The following DYNC2H1 variants were observed in gnomAD, a reference collection of about 807,000 sequenced individuals.
The protein encoded by DYNC2H1 is cytoplasmic dynein 2 heavy chain 1.
DYNC2H1 carries 410 observed loss-of-function variants against 570.0 expected under a neutral mutation model. The ratio of observed to expected loss-of-function variants is 0.72; its 90% CI spans 0.66 to 0.78. The LOEUF is 0.78. Among genes scored for constraint, DYNC2H1 ranks in the 30% least tolerant of loss-of-function variants. The probability of loss-of-function intolerance (pLI) is 0.00; values close to 1 mark genes in which losing one functional copy is unlikely to be tolerated. For missense variants in DYNC2H1, 4,865 were observed against 5,046.4 expected (o/e 0.96, Z 1.09); for synonymous variants, 1,688 against 1,677.6 (o/e 1.01, Z -0.15).
intron 66 of DYNC2H1, 106 bp from the exon 67 acceptor site, chr11:103,255,309 T>C (rs1193531172): frequency 1.7e-5 from 20 of 1,209,964 alleles, no homozygotes; most frequent in Non-Finnish European, 2.2e-5. Flanking sequence ...GATAACATAG[T>C]ATCATATTTG....
At chr11:103,471,094 T>C (rs934256047) in intron 88 of DYNC2H1, among the ~76,000 whole-genome samples, 1 of 152,234 alleles carries the variant, frequency 6.6e-6, no homozygotes, top group African/African-American at 2.4e-5. Flanking sequence ...CCTGACTTTT[T>C]AATGATCGCC....
chr11:103,251,480 T>C (rs1405830062), intron 65 of DYNC2H1, among the ~76,000 whole-genome samples: 1 of 152,162 alleles, frequency 6.6e-6, no homozygotes, highest in Non-Finnish European at 1.5e-5. Context: ...TAAAATGCTT[T>C]TCTGTCGTAA....
chr11:103,307,950 A>G, intron 78 of DYNC2H1, 119 bp downstream of exon 78: 1 of 451,290 alleles, frequency 2.2e-6, no homozygotes, highest in Non-Finnish European at 3.9e-6. Flanking sequence ...CATTTAGATG[A>G]GGTATACATA....
intron 70 of DYNC2H1, among the ~76,000 whole-genome samples, chr11:103,279,411 G>A (rs990851348): frequency 2.0e-5 from 3 of 152,070 alleles, no homozygotes; most frequent in East Asian, 1.9e-4. Flanking sequence ...TAAGACTACC[G>A]GCAGTGGAAT....
At chr11:103,343,431 A>G (rs900643795) in intron 82 of DYNC2H1, among the ~76,000 whole-genome samples, 1 of 145,224 alleles carries the variant, frequency 6.9e-6, no homozygotes, top group Non-Finnish European at 1.5e-5. Flanking sequence ...TATAAATTTC[A>G]GGACTCTGTT....
intron 28 of DYNC2H1, among the ~76,000 whole-genome samples, chr11:103,159,270 G>A (rs1860977223): frequency 1.3e-5 from 2 of 152,132 alleles, no homozygotes; most frequent in African/African-American, 4.8e-5. Flanking sequence ...ATCTGTGAGG[G>A]CATTTAGCTC....
At position 103,255,299 on chromosome 11, in the gene DYNC2H1, G is replaced by T. The variant is rs74549378; in HGVS notation, c.10207-116G>T. On this transcript the variant is annotated intron_variant, in intron 66 of 88. Transcript: ENST00000375735. ...TGTTTAATTAGAAAGAATGAAATGA[G>T]ATAACATAGTATCATATTTGTAATA... The T allele has an allele frequency of 6.1e-6, 7 of 1,149,312 alleles. No homozygotes were observed. In the East Asian group the frequency reaches 2.0e-4, roughly 32 times the overall value. The allele number at this position is 1,149,312 out of a possible 1,614,324, so 71.2% of individuals were successfully genotyped here.
intron 65 of DYNC2H1, among the ~76,000 whole-genome samples, chr11:103,251,041 A>G (rs987323719): frequency 1.3e-5 from 2 of 152,096 alleles, no homozygotes; most frequent in African/African-American, 4.8e-5. Context: ...AGGTTAATTA[A>G]TAGTGTCAAG....
chr11:103,299,193 C>A lies in DYNC2H1; in HGVS notation c.11096-3900C>A, dbSNP rs755669979. Among the ~76,000 whole-genome samples, 10 of 152,062 alleles carry A rather than the reference C, an allele frequency of 6.6e-5. No homozygotes were observed. Among genetic ancestry groups the A allele is most frequent in the Non-Finnish European group, 1.3e-4 (9 of 68,000 alleles). ...ATCCAAAAGTTATTTTTGAACTATGCATCTTTCCTAGTTTTACAGTTCTGT... is the reference window on the plus strand; with the variant it reads ...ATCCAAAAGTTATTTTTGAACTATGAATCTTTCCTAGTTTTACAGTTCTGT... On this transcript the variant is annotated intron_variant, in intron 75 of 88. Coordinates refer to ENST00000375735, the MANE Select transcript of DYNC2H1 (RefSeq NM_001377.3). The surrounding 1 kb of genome is among the most constrained non-coding windows in gnomAD (Gnocchi z 4.5).
chr11:103,113,487 C>T, intron 1 of DYNC2H1, 50 bp from the exon 2 acceptor site: 1 of 1,385,996 alleles, frequency 7.2e-7, no homozygotes, highest in Non-Finnish European at 9.5e-7. Flanking sequence ...ACATTTTTTT[C>T]AAATATTAAA....
intron 84 of DYNC2H1, among the ~76,000 whole-genome samples, chr11:103,424,189 G>A (rs1169152206): frequency 1.3e-5 from 2 of 152,042 alleles, no homozygotes; most frequent in South Asian, 4.1e-4. Flanking sequence ...ACAACCTTGT[G>A]AATATATTAA....
chr11:103,255,379 A>G (rs1404284619), intron 66 of DYNC2H1, 36 bp from the exon 67 acceptor site: 2 of 1,534,152 alleles, frequency 1.3e-6, no homozygotes, highest in Admixed American at 2.1e-5. Flanking sequence ...TTTAAGCCTT[A>G]TTGCTAGAAT....
chr11:103,118,454 T>G (rs1204378626), intron 6 of DYNC2H1, among the ~76,000 whole-genome samples: 1 of 152,150 alleles, frequency 6.6e-6, no homozygotes, highest in Non-Finnish European at 1.5e-5. Context: ...CCATTCAATT[T>G]TAATAGTCAT....
At position 103,204,897 on chromosome 11, in the gene DYNC2H1, A is replaced by C; in HGVS notation, c.8387A>C (p.Asn2796Thr). The C allele has an allele frequency of 6.3e-7, 1 of 1,594,230 alleles. No homozygotes were observed. The highest frequency in any genetic ancestry group is 8.6e-7 in the Non-Finnish European group (1 of 1,169,098). ...NSNFMINCES[N>T]PALHKKCQVL... ...AACTTCATGATAAACTGTGAGAGTA[A>C]TCCAGCTTTGCATAAGAAATGCCAG... Residue 2796 changes from asparagine to threonine, a missense_variant, in exon 52 of 89, where the codon AAT becomes ACT. Coordinates refer to ENST00000375735, the MANE Select transcript of DYNC2H1 (RefSeq NM_001377.3). This position sits in a 1 kb window ranked among gnomAD's most constrained non-coding sequence, Gnocchi z 4.1.
intron 39 of DYNC2H1, 31 bp downstream of exon 39, chr11:103,179,264 T>C: frequency 6.3e-7 from 1 of 1,579,794 alleles, no homozygotes; most frequent in Non-Finnish European, 8.7e-7. Context: ...ATACAGTATA[T>C]TAGAATATTC....
intron 75 of DYNC2H1, among the ~76,000 whole-genome samples, chr11:103,291,727 T>C (rs1866608230): frequency 6.6e-6 from 1 of 152,216 alleles, no homozygotes; most frequent in Admixed American, 6.5e-5. Context: ...ACTTTATATC[T>C]GGATACTCCA....
intron 83 of DYNC2H1, among the ~76,000 whole-genome samples, chr11:103,398,022 A>G (rs536967702): frequency 6.6e-6 from 1 of 152,356 alleles, no homozygotes; most frequent in African/African-American, 2.4e-5. Flanking sequence ...AAACAATGCT[A>G]TCAACTTAAT....
At position 103,125,385 on chromosome 11, in the gene DYNC2H1, T is replaced by A. The variant is rs1024537005; in HGVS notation, c.1857+90T>A. On this transcript the variant is annotated intron_variant, in intron 12 of 88. Coordinates refer to ENST00000375735, the MANE Select transcript of DYNC2H1 (RefSeq NM_001377.3). ...TAAAGGCTTTTTTTTTTTTTTTTTT[T>A]AGGCTCATAGAATAGCACTGCCAGC... 105 of 869,324 alleles carry A rather than the reference T, an allele frequency of 1.2e-4. No individual in the cohort carries two copies. In the African/African-American group the frequency reaches 1.2e-3, roughly 10 times the overall value. 53.9% of individuals were successfully genotyped at this position (869,324 alleles called of 1,614,324 possible). A position where few individuals can be genotyped will look rare whatever the true frequency, so the allele number is the denominator to read the frequency against.
At chr11:103,198,202 C>A in intron 48 of DYNC2H1, 139 bp downstream of exon 48, 1 of 993,896 alleles carries the variant, frequency 1.0e-6, no homozygotes, top group Non-Finnish European at 1.4e-6. Flanking sequence ...GGAATTTAGT[C>A]CATTGTGGCG....
Sources: gnomAD v4.1 joint callset for allele counts (sites outside exome capture counted in the v4.1 genomes callset) on GRCh38, gnomAD v4.1.1 for gene constraint, Gnocchi (gnomAD v3.1) non-coding constraint, MANE v1.5 for transcripts, NCBI Gene and HGNC (gene_info 2026-07-23, HGNC 2026-07-21) for gene names.